The following RGS7 variants were observed in gnomAD, a reference collection of about 807,000 sequenced individuals.
RGS7 encodes regulator of G protein signaling 7.
A neutral mutation model predicts 81.1 loss-of-function variants in RGS7; 27 were observed. The observed-to-expected ratio is 0.33, with a 90% confidence interval of 0.25 to 0.46. The LOEUF (loss-of-function observed/expected upper bound fraction) is 0.46, where lower values mean the gene tolerates loss of function less well. Among genes scored for constraint, RGS7 ranks in the 20% least tolerant of loss-of-function variants. RGS7 has a pLI of 1.00. For synonymous variants in RGS7, 208 were observed against 207.7 expected (o/e 1.00, Z -0.01); for missense variants, 396 against 607.4 (o/e 0.65, Z 3.66).
chr1:240,805,062 AT>A (rs1477378428), intron 15 of RGS7, among the ~76,000 whole-genome samples: 1 of 152,094 alleles, frequency 6.6e-6, no homozygotes, highest in African/African-American at 2.4e-5. Flanking sequence ...GCACGTTCTG[AT>A]TTAAAAACCA....
intron 18 of RGS7, among the ~76,000 whole-genome samples, chr1:240,784,003 C>A (rs1475798878): frequency 3.7e-5 from 5 of 134,084 alleles, no homozygotes; most frequent in Non-Finnish European, 4.7e-5. Context: ...TGGTGAAACC[C>A]TGTCTCTACT....
At chr1:241,072,102 TACCTTGAAAG>T (rs944267298) in intron 3 of RGS7, among the ~76,000 whole-genome samples, 7 of 152,118 alleles carry the variant, frequency 4.6e-5, no homozygotes, top group African/African-American at 1.7e-4. Context: ...CTGGTACATA[TACCTTGAAAG>T]ACATCTGATA....
chr1:240,906,282 C>A (rs1670803917), intron 6 of RGS7, among the ~76,000 whole-genome samples: 1 of 152,164 alleles, frequency 6.6e-6, no homozygotes, highest in Non-Finnish European at 1.5e-5. Context: ...TAAATGCCCT[C>A]CCAGGGTACT....
chr1:240,873,081 A>AC (rs1664778880), intron 6 of RGS7, among the ~76,000 whole-genome samples: 1 of 152,018 alleles, frequency 6.6e-6, no homozygotes, highest in African/African-American at 2.4e-5. Flanking sequence ...TCCGTCTAAA[A>AC]AAAAACAAAA....
intron 2 of RGS7, among the ~76,000 whole-genome samples, chr1:241,355,038 A>C (rs1432397158): frequency 1.3e-5 from 2 of 151,716 alleles, no homozygotes; most frequent in African/African-American, 4.8e-5. Flanking sequence ...TTGCTATTAA[A>C]TGTATAAGGC....
intron 9 of RGS7, among the ~76,000 whole-genome samples, chr1:240,860,731 C>T (rs1039424206): frequency 6.6e-6 from 1 of 152,178 alleles, no homozygotes; most frequent in Non-Finnish European, 1.5e-5. Context: ...CTTTCACTCT[C>T]TATGCCTTCC....
chr1:241,232,273 G>T (rs2075709803), intron 2 of RGS7, among the ~76,000 whole-genome samples: 1 of 151,760 alleles, frequency 6.6e-6, no homozygotes, highest in Non-Finnish European at 1.5e-5. Context: ...TGCACCCTTG[G>T]ACTCCTGGGC....
intron 2 of RGS7, among the ~76,000 whole-genome samples, chr1:241,120,030 C>T (rs980740387): frequency 2.8e-4 from 42 of 152,222 alleles, no homozygotes; most frequent in Admixed American, 2.4e-3. Flanking sequence ...TAAATCTCCT[C>T]ATTTTTCTCT....
chr1:241,046,945 T>G (rs764727793), intron 3 of RGS7, among the ~76,000 whole-genome samples: 29 of 152,078 alleles, frequency 1.9e-4, no homozygotes, highest in Non-Finnish European at 4.0e-4. Context: ...ATGAGGAACT[T>G]AGAGTGAAGC....
chr1:241,321,441 C>T (rs538535529), intron 2 of RGS7, among the ~76,000 whole-genome samples: 19 of 152,304 alleles, frequency 1.2e-4, no homozygotes, highest in African/African-American at 4.3e-4. Flanking sequence ...CTCACTCGGG[C>T]TCTATGCACT....
intron 6 of RGS7, among the ~76,000 whole-genome samples, chr1:240,924,328 T>C (rs913670515): frequency 1.3e-5 from 2 of 152,196 alleles, no homozygotes; most frequent in African/African-American, 4.8e-5. Flanking sequence ...TCTTGTCTAG[T>C]TGTTTGGGAG....
At chr1:241,284,469 G>A (rs1558272636) in intron 2 of RGS7, among the ~76,000 whole-genome samples, 1 of 152,058 alleles carries the variant, frequency 6.6e-6, no homozygotes, top group African/African-American at 2.4e-5. Context: ...CCTTAACCTG[G>A]CAATAAAGTC....
rs528235914 is a variant in RGS7, at chr1:241,185,705, G to A, written c.79-86943C>T. Among the ~76,000 whole-genome samples the A allele has an allele frequency of 4.6e-5, 7 of 152,102 alleles. No homozygotes were observed. The East Asian group carries it at 1.3e-3, about 29-fold the overall frequency. On this transcript the variant is annotated intron_variant, in intron 2 of 18. Coordinates refer to ENST00000440928, the MANE Select transcript of RGS7 (RefSeq NM_001364886.1). ...AACAATAGCTGGAAGGTCCTCAAAT[G>A]TTGTGAAATTTAAAAACATGTTTCT...
At chr1:241,235,674 CTCTT>C (rs888915095) in intron 2 of RGS7, among the ~76,000 whole-genome samples, 40 of 74,164 alleles carry the variant, frequency 5.4e-4, no homozygotes, top group East Asian at 2.1e-3. Context: ...CTTTCTCTCT[CTCTT>C]TCTTTCTCTC....
At chr1:241,115,112 T>G (rs2065800839) in intron 2 of RGS7, among the ~76,000 whole-genome samples, 4 of 152,176 alleles carry the variant, frequency 2.6e-5, no homozygotes, top group Admixed American at 2.6e-4. Flanking sequence ...GTATAGAAAA[T>G]GCTGTAATCC....
chr1:241,185,768 T>C (rs1416366967), intron 2 of RGS7, among the ~76,000 whole-genome samples: 1 of 152,004 alleles, frequency 6.6e-6, no homozygotes, highest in East Asian at 1.9e-4. Context: ...ATGAAAAAAT[T>C]AGAAAATATT....
At chr1:241,001,964 T>C (rs1019714850) in intron 3 of RGS7, among the ~76,000 whole-genome samples, 6 of 152,146 alleles carry the variant, frequency 3.9e-5, no homozygotes, top group African/African-American at 1.4e-4. Flanking sequence ...GTCAGTGCGA[T>C]AATGATGGCC....
At chr1:241,134,515 T>C (rs942695139) in intron 2 of RGS7, among the ~76,000 whole-genome samples, 4 of 152,206 alleles carry the variant, frequency 2.6e-5, no homozygotes, top group African/African-American at 9.6e-5. Context: ...AATGCGTGAA[T>C]CTGGACTGAA....
chr1:240,830,507 C>T (rs1558319283), intron 9 of RGS7, among the ~76,000 whole-genome samples: 1 of 152,186 alleles, frequency 6.6e-6, no homozygotes, highest in Non-Finnish European at 1.5e-5. Context: ...AACTCTCTTC[C>T]AAACCAATCC....
Sources: allele counts gnomAD v4.1 joint callset (sites outside exome capture counted in the v4.1 genomes callset), GRCh38; gene constraint gnomAD v4.1.1; transcripts MANE v1.5; gene names NCBI Gene and HGNC (gene_info 2026-07-23, HGNC 2026-07-21).